Variants in COL27A1 observed in about 807,000 individuals in gnomAD.
COL27A1 encodes the protein collagen type XXVII alpha 1 chain.
COL27A1 carries 106 observed loss-of-function variants against 251.3 expected under a neutral mutation model. The ratio of observed to expected loss-of-function variants is 0.42; its 90% CI spans 0.36 to 0.50. COL27A1 has a LOEUF of 0.50. COL27A1 is among the 20% of genes least tolerant of loss of function. The pLI is 0.00. For synonymous variants in COL27A1, 1,000 were observed against 986.3 expected (o/e 1.01, Z -0.26); for missense variants, 2,325 against 2,522.8 (o/e 0.92, Z 1.68).
Position 114,309,485 on chromosome 9 carries a change from C to G in COL27A1, c.5436+7C>G. On this transcript the variant is annotated splice_region_variant and intron_variant, in intron 60 of 60. Transcript: ENST00000356083. ...GTCCATGGATGGCTGCAAGGTAACTCTCAGAGCCCCTCCTAGGCCCTTCAT... is the reference window on the plus strand; with the variant it reads ...GTCCATGGATGGCTGCAAGGTAACTGTCAGAGCCCCTCCTAGGCCCTTCAT... 1 of 1,610,882 alleles carries G rather than the reference C, an allele frequency of 6.2e-7. No individual in the cohort carries two copies. Among genetic ancestry groups the G allele is most frequent in the Non-Finnish European group, 8.5e-7 (1 of 1,177,798 alleles).
At chr9:114,258,479 C>A in intron 27 of COL27A1, 62 bp from the exon 28 acceptor site, 2 of 1,508,872 alleles carry the variant, frequency 1.3e-6, no homozygotes, top group South Asian at 1.2e-5. Flanking sequence ...ACACTCCCAG[C>A]CCCCCGTGTT....
chr9:114,206,420 C>T (rs1165882277), intron 10 of COL27A1, 124 bp downstream of exon 10: 2 of 959,234 alleles, frequency 2.1e-6, no homozygotes, highest in African/African-American at 3.2e-5. Flanking sequence ...TTGAGTGCTC[C>T]CGGACAACAG....
chr9:114,239,477 G>A (rs1832612091), intron 19 of COL27A1, among the ~76,000 whole-genome samples: 1 of 152,232 alleles, frequency 6.6e-6, no homozygotes, highest in African/African-American at 2.4e-5. Flanking sequence ...TCACACAGGA[G>A]GAGGGCAGGG....
At chr9:114,197,855 C>T (rs975348595) in intron 7 of COL27A1, among the ~76,000 whole-genome samples, 7 of 152,228 alleles carry the variant, frequency 4.6e-5, no homozygotes, top group African/African-American at 1.4e-4. Context: ...CTGGCGTCAC[C>T]CACTTACAGA....
At chr9:114,278,672 G>A (rs1049697341) in intron 37 of COL27A1, among the ~76,000 whole-genome samples, 3 of 150,974 alleles carry the variant, frequency 2.0e-5, no homozygotes, top group Admixed American at 6.6e-5. Context: ...GATAGTAGTG[G>A]TGTGGTGGTG....
chr9:114,309,927 A>C (rs921560337), intron 60 of COL27A1, among the ~76,000 whole-genome samples: 1 of 152,224 alleles, frequency 6.6e-6, no homozygotes, highest in Non-Finnish European at 1.5e-5. Context: ...ATAATACTAC[A>C]CAGTGTTCAT....
chr9:114,267,855 C>G (rs763740507), intron 34 of COL27A1, among the ~76,000 whole-genome samples: 13 of 152,208 alleles, frequency 8.5e-5, no homozygotes, highest in Non-Finnish European at 1.2e-4. Flanking sequence ...CCTTCATTAC[C>G]TGCTGAGAAA....
intron 58 of COL27A1, 87 bp downstream of exon 58, chr9:114,306,775 T>G: frequency 6.8e-7 from 1 of 1,476,922 alleles, no homozygotes; most frequent in Non-Finnish European, 9.1e-7. Flanking sequence ...GCATTTTGGC[T>G]GAGTTTTTGT....
Position 114,290,150 on chromosome 9 carries a change from G to GC in COL27A1, c.4260+42dup. Reference sequence around the variant, plus strand: ...GCTGCTGTTTCCAGCCAACCTCCCTGCCCGCCCCCCACACCCGCCCTCCTC... The same window carrying GC: ...GCTGCTGTTTCCAGCCAACCTCCCTGCCCCGCCCCCCACACCCGCCCTCCTC... On this transcript the variant is annotated intron_variant, in intron 46 of 60. Transcript: ENST00000356083. This position sits in a 1 kb window ranked among gnomAD's most constrained non-coding sequence, Gnocchi z 4.6. 4.4e-6 allele frequency: 7 copies of GC among 1,593,530 alleles called. No individual in the cohort carries two copies. The highest frequency in any genetic ancestry group is 6.0e-6 in the Non-Finnish European group (7 of 1,165,394).
rs73566415 is a variant in COL27A1 at position 114,254,256 on chromosome 9, T to C, written c.3141+1324T>C. ...TCTCATGATGACTGAGGAAGCAGGG[T>C]TGGTGGGAGGCTCTCAAGGCAGAGT... On this transcript the variant is annotated intron_variant, in intron 27 of 60. Transcript: ENST00000356083. Among the ~76,000 whole-genome samples the C allele has an allele frequency of 9.9e-3, 1,482 of 149,810 alleles. 31 individuals are homozygous for C. The highest frequency in any genetic ancestry group is 0.034 in the African/African-American group (1,384 of 40,512).
At chr9:114,277,050 A>AGAG (rs1184491081) in intron 37 of COL27A1, among the ~76,000 whole-genome samples, 1 of 152,194 alleles carries the variant, frequency 6.6e-6, no homozygotes, top group Non-Finnish European at 1.5e-5. Context: ...GTGCTCTGGC[A>AGAG]GAGTTGGAAT....
intron 49 of COL27A1, among the ~76,000 whole-genome samples, chr9:114,294,063 C>T (rs1405438690): frequency 1.4e-5 from 2 of 147,552 alleles, no homozygotes; most frequent in African/African-American, 5.1e-5. Flanking sequence ...ATGGTGAAAC[C>T]CCATCTCTAC....
At position 114,291,969 on chromosome 9, in the gene COL27A1, T is replaced by C. The variant is rs10429591; in HGVS notation, c.4477-134T>C. Reference sequence around the variant, plus strand: ...CACCCCTACCCCACCAGGCCTCCATTTGTTGCCCCAGCATTCTGCAATCTC... The same window carrying C: ...CACCCCTACCCCACCAGGCCTCCATCTGTTGCCCCAGCATTCTGCAATCTC... On this transcript the variant is annotated intron_variant, in intron 48 of 60. Coordinates refer to ENST00000356083, the MANE Select transcript of COL27A1 (RefSeq NM_032888.4). 870 of 774,202 alleles carry C rather than the reference T, an allele frequency of 1.1e-3. 2 individuals carry two copies. The African/African-American group carries it at 0.014, about 12-fold the overall frequency. The allele number at this position is 774,202 out of a possible 1,614,324, so 48.0% of individuals were successfully genotyped here.
chr9:114,295,948 G>C (rs1471867884), intron 49 of COL27A1, among the ~76,000 whole-genome samples: 3 of 152,118 alleles, frequency 2.0e-5, no homozygotes, highest in African/African-American at 7.2e-5. Flanking sequence ...CACCCGGCCT[G>C]GACAACTGAT....
Position 114,168,406 on chromosome 9 carries a change from C to A in COL27A1, c.851C>A (p.Ala284Glu). ...TATPALGSLP[A>E]GRGPRGTVAP... The stretch of plus-strand genomic sequence containing the variant: ...ACACCAGCCCTGGGGTCACTGCCAG[C>A]AGGCAGGGGACCCAGGGGGACTGTG... Residue 284 changes from alanine (A) to glutamate (E), a missense_variant, in exon 3 of 61, where the codon GCA becomes GAA. Ala to Glu is a moderately radical substitution (Grantham distance 107). Coordinates refer to ENST00000356083, the MANE Select transcript of COL27A1 (RefSeq NM_032888.4). 1 of 1,613,504 alleles carries A rather than the reference C, an allele frequency of 6.2e-7. No homozygotes were observed. Among genetic ancestry groups the A allele is most frequent in the South Asian group, 1.1e-5 (1 of 91,084 alleles).
intron 49 of COL27A1, among the ~76,000 whole-genome samples, chr9:114,293,563 A>C (rs1476971740): frequency 1.4e-5 from 2 of 143,842 alleles, no homozygotes; most frequent in Admixed American, 6.9e-5. Context: ...AAAAAAAAAA[A>C]GGAAAATCAA....
chr9:114,170,204 C>T (rs527423475), intron 3 of COL27A1, among the ~76,000 whole-genome samples: 2 of 152,306 alleles, frequency 1.3e-5, no homozygotes, highest in Admixed American at 1.3e-4. Flanking sequence ...TGATTTGTAA[C>T]CCCCGGTAGG....
At position 114,209,703 on chromosome 9, in the gene COL27A1, G is replaced by A. The variant is rs1187013399; in HGVS notation, c.2297G>A (p.Gly766Asp). 1 of 1,614,058 alleles carries A rather than the reference G, an allele frequency of 6.2e-7. No individual in the cohort carries two copies. Among genetic ancestry groups the A allele is most frequent in the African/African-American group, 1.3e-5 (1 of 74,926 alleles). Residue 766 changes from glycine (G) to aspartate (D), a missense_variant, in exon 11 of 61, where the codon GGC (glycine) becomes GAC (aspartate). Physicochemically the swap from Gly to Asp is moderately conservative, Grantham distance 94. Around this residue, in one of 4 missense-constraint regions of COL27A1, gnomAD observed 1,183 missense variants for 1,144.1 expected, o/e 1.03. Coordinates refer to ENST00000356083, the MANE Select transcript of COL27A1 (RefSeq NM_032888.4). ...RGYIGLPGLF[G>D]LPGSDGERGL... ...TACATTGGGCTCCCAGGGCTCTTCG[G>A]CCTGCCAGGGTCTGATGGAGAACGA...
At chr9:114,214,983 G>A (rs764349825) in intron 12 of COL27A1, among the ~76,000 whole-genome samples, 4 of 152,242 alleles carry the variant, frequency 2.6e-5, no homozygotes, top group Non-Finnish European at 4.4e-5. Flanking sequence ...CCTTCTACCT[G>A]TCTTCTCCAA....
Sources: allele counts gnomAD v4.1 joint callset (sites outside exome capture counted in the v4.1 genomes callset), GRCh38; gene constraint gnomAD v4.1.1; regional missense constraint gnomAD v4.1.1; non-coding constraint Gnocchi (gnomAD v3.1); transcripts MANE v1.5; gene names NCBI Gene and HGNC (gene_info 2026-07-23, HGNC 2026-07-21).